Variants in KRT37 observed in about 807,000 individuals in gnomAD.
KRT37 encodes the protein keratin, type I cuticular Ha7.
A neutral mutation model predicts 41.9 loss-of-function variants in KRT37; 38 were observed. The ratio of observed to expected loss-of-function variants is 0.91; its 90% CI spans 0.70 to 1.19. The LOEUF (loss-of-function observed/expected upper bound fraction) is 1.19. Ranked by LOEUF, KRT37 falls within the 50% of genes most tolerant of loss-of-function variation. KRT37 has a pLI of 0.00. For missense variants in KRT37, 580 were observed against 575.5 expected (o/e 1.01, Z -0.08); for synonymous variants, 252 against 243.4 (o/e 1.04, Z -0.33).
In KRT37 at chr17:41,423,775, C is replaced by T; in HGVS notation, c.562G>A (p.Asp188Asn). 6.2e-7 allele frequency: 1 copy of T among 1,614,234 alleles called. No individual in the cohort carries two copies. Among genetic ancestry groups the T allele is most frequent in the East Asian group, 2.2e-5 (1 of 44,884 alleles). Residue 188 changes from aspartate (D) to asparagine (N), a missense_variant, in exon 2 of 7, where the codon GAC (aspartate) becomes AAC (asparagine). Asp to Asn is a conservative substitution (Grantham distance 23). Transcript: ENST00000225550. ...QIDNAKLAADDFRIKLESERS... is the reference protein window; with the variant it reads ...QIDNAKLAADNFRIKLESERS... ...ATCCTGACTTACTTGATCCTAAAGT[C>T]ATCAGCAGCCAGCTTCGCGTTGTCA...
chr17:41,422,230 A>T (rs779197861), intron 4 of KRT37, 36 bp from the exon 5 acceptor site: 2 of 1,613,932 alleles, frequency 1.2e-6, no homozygotes, highest in Admixed American at 1.7e-5. Flanking sequence ...CTCCCTGCTC[A>T]GATGGAGGCC....
intron 6 of KRT37, 55 bp downstream of exon 6, chr17:41,421,312 A>G: frequency 6.4e-7 from 1 of 1,569,378 alleles, no homozygotes; most frequent in Non-Finnish European, 8.8e-7. Context: ...ATTACCTCTG[A>G]GGAATTGCCT....
chr17:41,422,679 G>A (rs2018557665), intron 3 of KRT37, 99 bp downstream of exon 3: 5 of 1,328,994 alleles, frequency 3.8e-6, no homozygotes, highest in Non-Finnish European at 5.0e-6. Flanking sequence ...GCATCCTTAG[G>A]CCAGCTGAGC....
rs147442682 is a variant in KRT37 at position 41,422,096 on chromosome 17, C to T, written c.993G>A (p.Glu331=). ...AGGTGTGCTGGGCTTGGCGCTCCACCTCCAGGGCATTCACCGTGCATCTCA... is the reference window on the plus strand; with the variant it reads ...AGGTGTGCTGGGCTTGGCGCTCCACTTCCAGGGCATTCACCGTGCATCTCA... ...LELRCTVNAL[E]VERQAQHTLK... is the part of the protein sequence containing the mutation. Residue 331 remains glutamate (E), a synonymous_variant, in exon 5 of 7, where the codon GAG becomes GAA. Coordinates refer to ENST00000225550, the MANE Select transcript of KRT37 (RefSeq NM_003770.5). The T allele has an allele frequency of 3.8e-5, 61 of 1,614,192 alleles. No individual in the cohort carries two copies. Among genetic ancestry groups the T allele is most frequent in the Non-Finnish European group, 5.1e-5 (60 of 1,180,026 alleles).
At position 41,420,573 on chromosome 17, in the gene KRT37, C is replaced by A. The variant is rs1230439024; in HGVS notation, c.*305G>T. On this transcript the variant is annotated 3_prime_UTR_variant, in exon 7 of 7. Coordinates refer to ENST00000225550, the MANE Select transcript of KRT37 (RefSeq NM_003770.5). ...TGGTGCAGGAAGGAGGTTTATTGACCATTTAATGCAGGGAACCCAGTTACA... is the reference window on the plus strand; with the variant it reads ...TGGTGCAGGAAGGAGGTTTATTGACAATTTAATGCAGGGAACCCAGTTACA... Among the ~76,000 whole-genome samples the A allele has an allele frequency of 1.3e-5, 2 of 152,186 alleles. No homozygotes were observed. Among genetic ancestry groups the A allele is most frequent in the Non-Finnish European group, 2.9e-5 (2 of 68,046 alleles).
At position 41,421,580 on chromosome 17, in the gene KRT37, C is replaced by A; in HGVS notation, c.1028G>T (p.Cys343Phe). 1 of 1,614,106 alleles carries A rather than the reference C, an allele frequency of 6.2e-7. No individual in the cohort carries two copies. Among genetic ancestry groups the A allele is most frequent in the African/African-American group, 1.3e-5 (1 of 75,066 alleles). The change falls in exon 6 of 7, where the codon TGT becomes TTT. Residue 343 changes from cysteine to phenylalanine, a missense_variant. Transcript: ENST00000225550. ...ERQAQHTLKD[C>F]LQNSLCEAED... ...CGCTTCACACAGGGAGTTCTGCAGACAGTCCTTCTGTAATGGGAAATAATG... is the reference window on the plus strand; with the variant it reads ...CGCTTCACACAGGGAGTTCTGCAGAAAGTCCTTCTGTAATGGGAAATAATG...
At chr17:41,421,821 C>T (rs1391248156) in intron 5 of KRT37, among the ~76,000 whole-genome samples, 7 of 152,216 alleles carry the variant, frequency 4.6e-5, no homozygotes, top group Non-Finnish European at 1.0e-4. Context: ...AAGCAGGCAC[C>T]TCGTAAAATC....
chr17:41,421,701 C>T, intron 5 of KRT37, 114 bp from the exon 6 acceptor site: 1 of 984,704 alleles, frequency 1.0e-6, no homozygotes, highest in Non-Finnish European at 1.5e-6. Flanking sequence ...AGGACATTCT[C>T]AGAGCTCTGG....
At chr17:41,421,104 A>G (rs2018533395) in intron 6 of KRT37, 118 bp from the exon 7 acceptor site, 2 of 816,882 alleles carry the variant, frequency 2.4e-6, no homozygotes, top group Middle Eastern at 2.4e-4. Flanking sequence ...CAGAGAATCT[A>G]TACCAACAGT....
In KRT37 at chr17:41,424,269, A is replaced by T; in HGVS notation, c.255T>A (p.Ile85=). The T allele has an allele frequency of 6.2e-7, 1 of 1,614,128 alleles. No homozygotes were observed. The highest frequency in any genetic ancestry group is 1.1e-5 in the South Asian group (1 of 91,076). The change falls in exon 1 of 7, where the codon ATT becomes ATA. Residue 85 remains isoleucine (I), a synonymous_variant. Transcript: ENST00000225550. ...TACPLPGTCH[I]PGNIGICGAY... ...CCCCACAGATTCCGATGTTGCCGGG[A>T]ATGTGACAGGTCCCTGGCAAGGGAC... is the stretch of plus-strand genomic sequence containing the variant.
intron 5 of KRT37, among the ~76,000 whole-genome samples, 191 bp from the exon 6 acceptor site, chr17:41,421,778 A>G (rs755307543): frequency 2.6e-5 from 4 of 152,214 alleles, no homozygotes; most frequent in Admixed American, 6.5e-5. Flanking sequence ...AGGAACTGTC[A>G]TGTTCATCCC....
At position 41,420,822 on chromosome 17, in the gene KRT37, G is replaced by T; in HGVS notation, c.*56C>A. 8.5e-7 allele frequency: 1 copy of T among 1,172,520 alleles called. No individual in the cohort carries two copies. The highest frequency in any genetic ancestry group is 1.3e-6 in the Non-Finnish European group (1 of 790,526). 72.6% of individuals were successfully genotyped at this position (1,172,520 alleles called of 1,614,324 possible). A position where few individuals can be genotyped will look rare whatever the true frequency, so the allele number is the denominator to read the frequency against. ...CTTGAAGGAAGACTGGGCAAGGTGA[G>T]GGCACTCCTGACCCCAGTGCAACCA... On this transcript the variant is annotated 3_prime_UTR_variant, in exon 7 of 7. Coordinates refer to ENST00000225550, the MANE Select transcript of KRT37 (RefSeq NM_003770.5).
Position 41,421,428 on chromosome 17 carries a change from T to G in KRT37, c.1180A>C (p.Lys394Gln), listed in dbSNP as rs1174998577. 1 of 1,614,100 alleles carries G rather than the reference T, an allele frequency of 6.2e-7. No homozygotes were observed. The highest frequency in any genetic ancestry group is 8.5e-7 in the Non-Finnish European group (1 of 1,180,038). Residue 394 changes from lysine to glutamine, a missense_variant, in exon 6 of 7, where the codon AAG (lysine) becomes CAG (glutamine). Lys to Gln is a moderately conservative substitution (Grantham distance 53, BLOSUM62 1). Coordinates refer to ENST00000225550, the MANE Select transcript of KRT37 (RefSeq NM_003770.5). ...GCAATCTCGTTCTCCAACCGGGCCT[T>G]CACGTCCAGCAGCACCTGGTACTCC... The part of the protein sequence containing the change: ...NQEYQVLLDV[K>Q]ARLENEIATY...
chr17:41,421,959 C>G, intron 5 of KRT37, 110 bp downstream of exon 5: 1 of 1,570,190 alleles, frequency 6.4e-7, no homozygotes, highest in East Asian at 2.2e-5. Flanking sequence ...ATAGAGGACC[C>G]CAGATCTTGA....
chr17:41,421,288 C>A, intron 6 of KRT37, 79 bp downstream of exon 6: 1 of 1,447,950 alleles, frequency 6.9e-7, no homozygotes. Flanking sequence ...ATGATATCTT[C>A]TGCAAGCACT....
rs754038946 is a variant in KRT37, at chr17:41,422,311, T to G, written c.856A>C (p.Thr286Pro). The G allele has an allele frequency of 1.2e-6, 2 of 1,614,092 alleles. No individual in the cohort carries two copies. The highest frequency in any genetic ancestry group is 1.7e-6 in the Non-Finnish European group (2 of 1,180,000). The stretch of plus-strand genomic sequence containing the variant: ...CACTGTTCCACATCCTGGTGGTTGG[T>G]CTCCACCATGGCCTCGTACTGAGCC... ...MRAQYEAMVE[T>P]NHQDVEQWFQ... is the part of the protein sequence containing the mutation. The change falls in exon 4 of 7, where the codon ACC becomes CCC. Residue 286 changes from threonine to proline, a missense_variant. Coordinates refer to ENST00000225550, the MANE Select transcript of KRT37 (RefSeq NM_003770.5).
At position 41,420,835 on chromosome 17, in the gene KRT37, C is replaced by G; in HGVS notation, c.*43G>C. ...TGGGCAAGGTGAGGGCACTCCTGAC[C>G]CCAGTGCAACCAGCCTCAATCTCCT... On this transcript the variant is annotated 3_prime_UTR_variant, in exon 7 of 7. Coordinates refer to ENST00000225550, the MANE Select transcript of KRT37 (RefSeq NM_003770.5). 7.2e-7 allele frequency: 1 copy of G among 1,381,554 alleles called. No homozygotes were observed. Among genetic ancestry groups the G allele is most frequent in the Non-Finnish European group, 1.0e-6 (1 of 972,906 alleles). 85.6% of individuals were successfully genotyped at this position (1,381,554 alleles called of 1,614,324 possible).
intron 2 of KRT37, chr17:41,423,491 G>T (rs929279011): frequency 2.3e-6 from 1 of 427,058 alleles, no homozygotes; most frequent in Non-Finnish European, 4.1e-6. Context: ...TGATTGAAAA[G>T]CAAAATCCTC....
chr17:41,421,605 G>A lies in KRT37; in HGVS notation c.1021-18C>T. 4 of 1,609,782 alleles carry A rather than the reference G, an allele frequency of 2.5e-6. No individual in the cohort carries two copies. Among genetic ancestry groups the A allele is most frequent in the East Asian group, 4.5e-5 (2 of 44,808 alleles). On this transcript the variant is annotated intron_variant, in intron 5 of 6. Transcript: ENST00000225550. The stretch of plus-strand genomic sequence containing the variant: ...CAGTCCTTCTGTAATGGGAAATAAT[G>A]GGGTAAGAGATCCAGGTGCCCCAAA...
Sources: gnomAD v4.1 joint callset for allele counts (sites outside exome capture counted in the v4.1 genomes callset) on GRCh38, gnomAD v4.1.1 for gene constraint, MANE v1.5 for transcripts, NCBI Gene and HGNC (gene_info 2026-07-23, HGNC 2026-07-21) for gene names.